Variants in CEP135 observed in about 807,000 individuals in gnomAD.
CEP135 encodes centrosomal protein 135.
Under a neutral mutation model 157.3 loss-of-function variants are expected in CEP135, and 142 were observed. The observed-to-expected ratio is 0.90, with a 90% CI of 0.79 to 1.04. The LOEUF (loss-of-function observed/expected upper bound fraction) is 1.04. Among genes scored for constraint, CEP135 ranks in the 50% least tolerant of loss-of-function variants. CEP135 has a pLI of 0.00. For synonymous variants in CEP135, 396 were observed against 439.8 expected (o/e 0.90, Z 1.25); for missense variants, 1,317 against 1,309.2 (o/e 1.01, Z -0.09).
chr4:55,965,481 G>A (rs1728812674), intron 7 of CEP135, 163 bp from the exon 8 acceptor site: 1 of 552,712 alleles, frequency 1.8e-6, no homozygotes, highest in Admixed American at 3.4e-5. Context: ...CACTGCACAT[G>A]GTCAGTTTTG....
chr4:56,004,786 G>A (rs886698941), intron 17 of CEP135, among the ~76,000 whole-genome samples: 2 of 151,998 alleles, frequency 1.3e-5, no homozygotes, highest in Non-Finnish European at 2.9e-5. Flanking sequence ...AGTCTTATTT[G>A]TGTCTTTATA....
intron 9 of CEP135, among the ~76,000 whole-genome samples, chr4:55,969,541 T>A (rs746039720): frequency 9.9e-5 from 15 of 152,130 alleles, no homozygotes; most frequent in Non-Finnish European, 1.9e-4. Flanking sequence ...TTCTGGCCAT[T>A]CCATATAAAG....
chr4:55,951,960 C>A, intron 1 of CEP135, 126 bp from the exon 2 acceptor site: 1 of 449,332 alleles, frequency 2.2e-6, no homozygotes, highest in Non-Finnish European at 4.1e-6. Flanking sequence ...CTGAATTTTC[C>A]AGAAGGCTAC....
rs34184679 is a variant in CEP135 at position 55,965,423 on chromosome 4, T to C, written c.829-221T>C. ...GGAAAAAGTTCACACAAATTTCTTG[T>C]CCTTTCTATGCTTGAAAATCAAAGT... On this transcript the variant is annotated intron_variant, in intron 7 of 25. Transcript: ENST00000257287. The C allele has an allele frequency of 0.025, 10,232 of 402,064 alleles. 189 individuals are homozygous for C. The highest frequency in any genetic ancestry group is 0.066 in the Admixed American group (1,526 of 23,114). The allele number at this position is 402,064 out of a possible 1,614,324, so 24.9% of individuals were successfully genotyped here.
chr4:56,007,128 A>G (rs1448457843), intron 17 of CEP135, among the ~76,000 whole-genome samples: 2 of 152,100 alleles, frequency 1.3e-5, no homozygotes, highest in Non-Finnish European at 2.9e-5. Context: ...TCCTGATCTC[A>G]GGTGATCCAC....
chr4:55,971,303 C>G lies in CEP135; in HGVS notation c.1144C>G (p.Leu382Val). 6.2e-7 allele frequency: 1 copy of G among 1,600,854 alleles called. No homozygotes were observed. Among genetic ancestry groups the G allele is most frequent in the Non-Finnish European group, 8.5e-7 (1 of 1,174,510 alleles). The change falls in exon 10 of 26, where the codon CTG becomes GTG. Residue 382 changes from leucine (L) to valine (V), a missense_variant. By Grantham distance (32) the Leu-to-Val change is conservative. Transcript: ENST00000257287. ...LNLCQKEKER[L>V]SDELLVKSDL... Reference sequence around the variant, plus strand: ...CTTATGCCAGAAAGAAAAGGAGAGACTGAGTGATGAACTCCTTGTAAAATC... The same window carrying G: ...CTTATGCCAGAAAGAAAAGGAGAGAGTGAGTGATGAACTCCTTGTAAAATC...
chr4:55,964,894 C>T (rs1283044444), intron 7 of CEP135: 1 of 151,564 alleles, frequency 6.6e-6, no homozygotes, highest in Non-Finnish European at 1.5e-5. Context: ...TATCTACTTA[C>T]GTAGTGGATT....
At chr4:56,023,756 G>A (rs1311519514) in intron 24 of CEP135, among the ~76,000 whole-genome samples, 10 of 137,892 alleles carry the variant, frequency 7.3e-5, no homozygotes, top group Admixed American at 1.5e-4. Context: ...ATCATATATA[G>A]TATATTATAT....
At chr4:55,986,044 A>G (rs1360847307) in intron 14 of CEP135, among the ~76,000 whole-genome samples, 1 of 152,150 alleles carries the variant, frequency 6.6e-6, no homozygotes, top group Non-Finnish European at 1.5e-5. Flanking sequence ...TTTGCCTCCT[A>G]TTACCTGCAG....
intron 9 of CEP135, among the ~76,000 whole-genome samples, chr4:55,969,443 AAAAAAG>A (rs1728950686): frequency 1.3e-5 from 2 of 150,790 alleles, no homozygotes; most frequent in East Asian, 1.9e-4. Flanking sequence ...AAAAAAAAAA[AAAAAAG>A]AAAAGAAAAT....
intron 21 of CEP135, among the ~76,000 whole-genome samples, chr4:56,016,582 T>C (rs1473105530): frequency 6.6e-6 from 1 of 152,266 alleles, no homozygotes; most frequent in Admixed American, 6.5e-5. Context: ...TAGGGGAGCT[T>C]TTATTAATGC....
At chr4:55,978,941 A>C (rs1034400461) in intron 11 of CEP135, among the ~76,000 whole-genome samples, 5 of 152,236 alleles carry the variant, frequency 3.3e-5, no homozygotes, top group African/African-American at 1.2e-4. Context: ...CTTTTGTACT[A>C]TAAAATATCT....
chr4:56,001,734 CT>C (rs1427755203), intron 17 of CEP135, among the ~76,000 whole-genome samples: 2 of 145,356 alleles, frequency 1.4e-5, no homozygotes, highest in African/African-American at 5.2e-5. Context: ...TATTTGGGGT[CT>C]TTAGTGGTTC....
At chr4:56,011,644 CT>C (rs1730587821) in intron 20 of CEP135, 122 bp downstream of exon 20, 7 of 960,620 alleles carry the variant, frequency 7.3e-6, no homozygotes, top group Non-Finnish European at 1.1e-5. Flanking sequence ...CTGCCTTTTT[CT>C]ATTTTTCCCA....
intron 8 of CEP135, among the ~76,000 whole-genome samples, chr4:55,967,766 G>A (rs1728887422): frequency 6.6e-6 from 1 of 152,004 alleles, no homozygotes; most frequent in Non-Finnish European, 1.5e-5. Context: ...TGGAATAGAA[G>A]GAAATTACCT....
chr4:56,007,464 TACTGA>T (rs1285334342), intron 17 of CEP135, among the ~76,000 whole-genome samples: 1 of 152,174 alleles, frequency 6.6e-6, no homozygotes, highest in Non-Finnish European at 1.5e-5. Context: ...AGCATGTTGT[TACTGA>T]ACTACCACTC....
At chr4:55,982,250 C>T (rs371498408) in intron 13 of CEP135, among the ~76,000 whole-genome samples, 7 of 152,262 alleles carry the variant, frequency 4.6e-5, no homozygotes, top group South Asian at 2.1e-4. Flanking sequence ...ATAATGTTTT[C>T]GAGATTCATC....
intron 17 of CEP135, among the ~76,000 whole-genome samples, chr4:55,999,964 A>G (rs2109714255): frequency 6.6e-6 from 1 of 152,268 alleles, no homozygotes; most frequent in Admixed American, 6.5e-5. Flanking sequence ...CTGAGGTGGG[A>G]GGATTGCTTG....
At chr4:56,007,041 G>A (rs771450405) in intron 17 of CEP135, among the ~76,000 whole-genome samples, 1 of 151,844 alleles carries the variant, frequency 6.6e-6, no homozygotes, top group Non-Finnish European at 1.5e-5. Flanking sequence ...TTACAGGCAC[G>A]CAACACCACA....
Sources: gnomAD v4.1 joint callset for allele counts (sites outside exome capture counted in the v4.1 genomes callset) on GRCh38, gnomAD v4.1.1 for gene constraint, MANE v1.5 for transcripts, NCBI Gene and HGNC (gene_info 2026-07-23, HGNC 2026-07-21) for gene names.